SATB1: variants seen among roughly 807,000 people sequenced by gnomAD.
SATB1 encodes the protein SATB homeobox 1.
A neutral mutation model predicts 86.9 loss-of-function variants in SATB1; 11 were observed. The ratio of observed to expected loss-of-function variants is 0.13; its 90% CI spans 0.08 to 0.21. The LOEUF (loss-of-function observed/expected upper bound fraction) is 0.21, where lower values mean the gene tolerates loss of function less well. SATB1 is among the 10% of genes least tolerant of loss of function. The pLI is 1.00. For missense variants in SATB1, 551 were observed against 937.6 expected (o/e 0.59, Z 5.39); for synonymous variants, 357 against 357.2 (o/e 1.00, Z 0.01).
chr3:18,407,605 T>C (rs1183437508), intron 5 of SATB1, among the ~76,000 whole-genome samples: 1 of 151,998 alleles, frequency 6.6e-6, no homozygotes, highest in Non-Finnish European at 1.5e-5. Context: ...TCCGACTTTA[T>C]AGATGAGAAA....
At chr3:18,411,918 C>G (rs1370057067) in intron 5 of SATB1, among the ~76,000 whole-genome samples, 1 of 151,924 alleles carries the variant, frequency 6.6e-6, no homozygotes, top group Non-Finnish European at 1.5e-5. Context: ...ATTTCTGCAG[C>G]TGAAGAAAAC....
chr3:18,422,817 T>C (rs892731151), intron 1 of SATB1, among the ~76,000 whole-genome samples: 4 of 152,164 alleles, frequency 2.6e-5, no homozygotes, highest in Non-Finnish European at 5.9e-5. Context: ...GCATCAAAGT[T>C]AATGCTATAA....
At chr3:18,427,349 A>C (rs1261666255), upstream of SATB1, among the ~76,000 whole-genome samples, 1 of 152,196 alleles carries the variant, frequency 6.6e-6, no homozygotes, top group Non-Finnish European at 1.5e-5. Context: ...ACAAATTTAC[A>C]AACAATAGCA....
Position 18,389,164 on chromosome 3 carries a change from A to G in SATB1, c.1207-2553T>C, listed in dbSNP as rs138356796. On this transcript the variant is annotated intron_variant, in intron 7 of 10. Coordinates refer to ENST00000338745, the MANE Select transcript of SATB1 (RefSeq NM_002971.6). ...ACAAGGTTTTTTGTTCGTCTGAAAT[A>G]TGTTGATGGTATAAAGTGATGTTTC... is the stretch of plus-strand genomic sequence containing the variant. 7.5e-3 allele frequency among the ~76,000 whole-genome samples: 1,133 copies of G among 151,610 alleles called. 14 individuals carry two copies. The highest frequency in any genetic ancestry group is 0.026 in the African/African-American group (1,072 of 41,382).
intron 5 of SATB1, among the ~76,000 whole-genome samples, chr3:18,408,397 T>C (rs966967237): frequency 2.0e-5 from 3 of 151,988 alleles, no homozygotes; most frequent in Non-Finnish European, 4.4e-5. Context: ...TTTACAATCA[T>C]TATGAGTTAA....
intron 8 of SATB1, among the ~76,000 whole-genome samples, chr3:18,383,161 C>G (rs1696147203): frequency 6.6e-6 from 1 of 152,216 alleles, no homozygotes; most frequent in African/African-American, 2.4e-5. Context: ...CAGGGCATAA[C>G]TGTCCCTACT....
In SATB1 at chr3:18,349,976, T is replaced by C; in HGVS notation, c.1780-294A>G. ...TGCTCTGAAAATGTGAGCCATAAAA[T>C]TCACTAGAATGATACGCATCAAAGG... On this transcript the variant is annotated intron_variant, in intron 10 of 10. Transcript: ENST00000338745. This position sits in a 1 kb window ranked among gnomAD's most constrained non-coding sequence, Gnocchi z 5.5. 2.3e-6 allele frequency: 1 copy of C among 429,604 alleles called. No individual in the cohort carries two copies. Among genetic ancestry groups the C allele is most frequent in the East Asian group, 3.6e-5 (1 of 27,444 alleles). The allele number at this position is 429,604 out of a possible 1,614,324, so 26.6% of individuals were successfully genotyped here.
chr3:18,355,649 CAAAA>C (rs553808759), intron 9 of SATB1, among the ~76,000 whole-genome samples: 154 of 150,158 alleles, frequency 1.0e-3, no homozygotes, highest in Non-Finnish European at 1.8e-3. Context: ...TGCAAAAAGA[CAAAA>C]AAAACACCAA....
intron 9 of SATB1, among the ~76,000 whole-genome samples, chr3:18,372,472 T>C (rs1295089374): frequency 6.6e-6 from 1 of 152,224 alleles, no homozygotes; most frequent in Non-Finnish European, 1.5e-5. Flanking sequence ...GATCTTCTGT[T>C]CATTTTTTTA....
At position 18,394,779 on chromosome 3, in the gene SATB1, G is replaced by A. The variant is rs754442595; in HGVS notation, c.889C>T (p.Arg297Trp). 6 of 1,614,110 alleles carry A rather than the reference G, an allele frequency of 3.7e-6. No individual in the cohort carries two copies. The highest frequency in any genetic ancestry group is 1.3e-5 in the African/African-American group (1 of 75,018). The change falls in exon 7 of 11, where the codon CGG (arginine) becomes TGG (tryptophan). Residue 297 changes from arginine (R) to tryptophan (W), a missense_variant. Arg to Trp is a moderately radical substitution (Grantham distance 101, BLOSUM62 -3). Coordinates refer to ENST00000338745, the MANE Select transcript of SATB1 (RefSeq NM_002971.6). The surrounding 1 kb of genome is among the most constrained non-coding windows in gnomAD (Gnocchi z 5.9). ...QLSHGSQPSV[R>W]TPLPNLHPGL... is the part of the protein sequence containing the mutation. ...GGGTGCAGGTTTGGAAGAGGTGTCC[G>A]GACAGAGGGCTGGCTGCCATGGGAG... is the stretch of plus-strand genomic sequence containing the variant.
At chr3:18,413,623 T>A (rs1042354658) in intron 5 of SATB1, among the ~76,000 whole-genome samples, 1 of 152,094 alleles carries the variant, frequency 6.6e-6, no homozygotes, top group Non-Finnish European at 1.5e-5. Flanking sequence ...TTGTGATTAA[T>A]TTAAATTATT....
At chr3:18,411,830 T>C (rs1697857666) in intron 5 of SATB1, among the ~76,000 whole-genome samples, 1 of 152,064 alleles carries the variant, frequency 6.6e-6, no homozygotes, top group Admixed American at 6.6e-5. Flanking sequence ...TGTCAATCGA[T>C]TTGGGCAGAT....
chr3:18,413,968 T>C (rs1697993427), intron 5 of SATB1, among the ~76,000 whole-genome samples: 1 of 152,058 alleles, frequency 6.6e-6, no homozygotes. Flanking sequence ...CCTTCAAAGG[T>C]ACCCAATAAT....
intron 9 of SATB1, among the ~76,000 whole-genome samples, chr3:18,375,983 C>G (rs1695730149): frequency 1.3e-5 from 2 of 152,128 alleles, no homozygotes; most frequent in South Asian, 2.1e-4. Flanking sequence ...AGCTTTGGGG[C>G]TTTGGGAAAC....
At chr3:18,441,697 A>G (rs1249857969), upstream of SATB1, among the ~76,000 whole-genome samples, 2 of 152,126 alleles carry the variant, frequency 1.3e-5, no homozygotes, top group African/African-American at 4.8e-5. Flanking sequence ...AGTGTTTGTA[A>G]CCAAAATATT....
At chr3:18,393,941 G>A (rs1265968479) in intron 7 of SATB1, among the ~76,000 whole-genome samples, 1 of 151,966 alleles carries the variant, frequency 6.6e-6, no homozygotes, top group Non-Finnish European at 1.5e-5. Flanking sequence ...TTTCAAAATG[G>A]CTGCTTAGAA....
At position 18,397,318 on chromosome 3, in the gene SATB1, G is replaced by A. The variant is rs775406175; in HGVS notation, c.640-28C>T. 7 of 1,212,794 alleles carry A rather than the reference G, an allele frequency of 5.8e-6. No homozygotes were observed. The East Asian group carries it at 1.2e-4, about 20-fold the overall frequency. The allele number at this position is 1,212,794 out of a possible 1,614,324, so 75.1% of individuals were successfully genotyped here. ...GCATGAAGAAGGGGGGAGAATATTT[G>A]TAATACACAGCAGCACAAGATGGAA... On this transcript the variant is annotated intron_variant, in intron 5 of 10. Coordinates refer to ENST00000338745, the MANE Select transcript of SATB1 (RefSeq NM_002971.6).
Position 18,348,843 on chromosome 3 carries a change from A to G in SATB1, c.*327T>C. The G allele has an allele frequency of 3.6e-6, 1 of 276,274 alleles. No individual in the cohort carries two copies. Among genetic ancestry groups the G allele is most frequent in the Non-Finnish European group, 6.8e-6 (1 of 146,500 alleles). 17.1% of individuals were successfully genotyped at this position (276,274 alleles called of 1,614,324 possible). A position where few individuals can be genotyped will look rare whatever the true frequency, so the allele number is the denominator to read the frequency against. On this transcript the variant is annotated 3_prime_UTR_variant, in exon 11 of 11. Transcript: ENST00000338745. ...TCACAGAAGGTATAATGCTTGTTTG[A>G]GGCTCCGGAATAAGAACTAAAAAAA...
Position 18,417,090 on chromosome 3 carries a change from A to T in SATB1, c.212-12T>A. Reference sequence around the variant, plus strand: ...TGGCAGCATGGTTCCTATCAAAAAGATGAAGAAGAAGAGATGGAAAACCAA... The same window carrying T: ...TGGCAGCATGGTTCCTATCAAAAAGTTGAAGAAGAAGAGATGGAAAACCAA... On this transcript the variant is annotated splice_polypyrimidine_tract_variant and intron_variant, in intron 2 of 10. Coordinates refer to ENST00000338745, the MANE Select transcript of SATB1 (RefSeq NM_002971.6). 6.2e-7 allele frequency: 1 copy of T among 1,609,568 alleles called. No individual in the cohort carries two copies. Among genetic ancestry groups the T allele is most frequent in the Non-Finnish European group, 8.5e-7 (1 of 1,178,680 alleles).
Sources: gnomAD v4.1 joint callset for allele counts (sites outside exome capture counted in the v4.1 genomes callset) on GRCh38, gnomAD v4.1.1 for gene constraint, Gnocchi (gnomAD v3.1) non-coding constraint, MANE v1.5 for transcripts, NCBI Gene and HGNC (gene_info 2026-07-23, HGNC 2026-07-21) for gene names.